Variants in HEMK2 observed in about 807,000 individuals in gnomAD.
HEMK2 encodes methyltransferase HEMK2.
chr21:28,813,687 G>C, the HEMK2 span, among the ~76,000 whole-genome samples: 73 of 152,076 alleles, frequency 4.8e-4, no homozygotes, highest in Non-Finnish European at 3.5e-4. Flanking sequence ...ATACTACAAG[G>C]CTACATTAAC....
the HEMK2 span, among the ~76,000 whole-genome samples, chr21:28,824,988 G>A: frequency 6.6e-6 from 1 of 152,190 alleles, no homozygotes; most frequent in South Asian, 2.1e-4. Context: ...GGCAAACCTG[G>A]ACAGTCCCTA....
the HEMK2 span, among the ~76,000 whole-genome samples, chr21:28,811,785 A>G: frequency 2.6e-5 from 4 of 152,204 alleles, no homozygotes; most frequent in Non-Finnish European, 5.9e-5. Context: ...ATATAGCAGG[A>G]TTTCCATGAA....
chr21:28,795,442 C>T, the HEMK2 span, among the ~76,000 whole-genome samples: 1 of 152,186 alleles, frequency 6.6e-6, no homozygotes, highest in Non-Finnish European at 1.5e-5. Flanking sequence ...TCAAGTGTCT[C>T]CCCTCTCCAG....
the HEMK2 span, chr21:28,882,399 A>C: frequency 1.8e-6 from 1 of 564,560 alleles, no homozygotes; most frequent in Non-Finnish European, 3.1e-6. Flanking sequence ...AAAGAAAAAG[A>C]GAACAAGGAT....
chr21:28,835,856 A>C, the HEMK2 span, among the ~76,000 whole-genome samples: 1 of 152,166 alleles, frequency 6.6e-6, no homozygotes, highest in African/African-American at 2.4e-5. Context: ...GGAAAATCTC[A>C]GCAATAGAAT....
the HEMK2 span, among the ~76,000 whole-genome samples, chr21:28,864,836 T>C: frequency 3.0e-3 from 393 of 129,166 alleles, 3 homozygotes; most frequent in African/African-American, 0.011. Context: ...GATAGATAGA[T>C]AGATAGATAG....
the HEMK2 span, chr21:28,878,326 C>T: frequency 1.2e-6 from 2 of 1,613,004 alleles, no homozygotes; most frequent in Non-Finnish European, 1.7e-6. Context: ...TATTCCGTGA[C>T]TTCCTACCTG....
At chr21:28,873,930 T>C in the HEMK2 span, 1 of 152,232 alleles carries the variant, frequency 6.6e-6, no homozygotes, top group African/African-American at 2.4e-5. Context: ...CCAGGGCTAA[T>C]AGCGAATGGT....
chr21:28,812,005 A>G, the HEMK2 span, among the ~76,000 whole-genome samples: 1 of 152,222 alleles, frequency 6.6e-6, no homozygotes, highest in African/African-American at 2.4e-5. Context: ...CCTAAGGTCC[A>G]GATGTGTTAT....
At chr21:28,630,421 G>A in the HEMK2 span, among the ~76,000 whole-genome samples, 26 of 152,174 alleles carry the variant, frequency 1.7e-4, no homozygotes, top group Middle Eastern at 3.4e-3. Flanking sequence ...CAGCCATCCC[G>A]TTACTGGGTA....
the HEMK2 span, among the ~76,000 whole-genome samples, chr21:28,815,736 C>T: frequency 6.6e-6 from 1 of 152,094 alleles, no homozygotes; most frequent in Non-Finnish European, 1.5e-5. Flanking sequence ...GTAAAAGCAA[C>T]AGCATCAAAA....
At chr21:28,842,433 C>A in the HEMK2 span, among the ~76,000 whole-genome samples, 1 of 152,136 alleles carries the variant, frequency 6.6e-6, no homozygotes, top group Non-Finnish European at 1.5e-5. Flanking sequence ...ATCCTAACTT[C>A]TCAGACTATC....
the HEMK2 span, among the ~76,000 whole-genome samples, chr21:28,810,299 T>C: frequency 4.6e-5 from 7 of 152,184 alleles, no homozygotes; most frequent in Non-Finnish European, 1.0e-4. Flanking sequence ...CAACCAGTAA[T>C]AATTTAATAG....
the HEMK2 span, among the ~76,000 whole-genome samples, chr21:28,870,849 AT>A: frequency 6.6e-6 from 1 of 152,186 alleles, no homozygotes; most frequent in African/African-American, 2.4e-5. Context: ...GATTCTTTGA[AT>A]TTTACAGGGA....
At chr21:28,588,688 G>C in the HEMK2 span, among the ~76,000 whole-genome samples, 2 of 152,198 alleles carry the variant, frequency 1.3e-5, no homozygotes, top group East Asian at 3.9e-4. Flanking sequence ...GAGCTAAAAG[G>C]ATCCGGGTGC....
chr21:28,799,842 G>A, the HEMK2 span, among the ~76,000 whole-genome samples: 7 of 152,086 alleles, frequency 4.6e-5, no homozygotes, highest in African/African-American at 1.7e-4. Context: ...TTTTTGATCA[G>A]GTAAAATGTT....
the HEMK2 span, among the ~76,000 whole-genome samples, chr21:28,592,488 A>C: frequency 6.6e-6 from 1 of 152,220 alleles, no homozygotes; most frequent in Non-Finnish European, 1.5e-5. Context: ...TGAAGGACTA[A>C]AACAGCATGT....
At chr21:28,859,750 C>T in the HEMK2 span, among the ~76,000 whole-genome samples, 1 of 152,162 alleles carries the variant, frequency 6.6e-6, no homozygotes, top group African/African-American at 2.4e-5. Flanking sequence ...GCTGCCCTCA[C>T]CACCCCAGAC....
chr21:28,794,949 C>T, the HEMK2 span, among the ~76,000 whole-genome samples: 1 of 152,172 alleles, frequency 6.6e-6, no homozygotes, highest in African/African-American at 2.4e-5. Flanking sequence ...AAAGTCCAGA[C>T]CTGGTGCCGT....
Sources: allele counts gnomAD v4.1 joint callset (sites outside exome capture counted in the v4.1 genomes callset), GRCh38; gene constraint gnomAD v4.1.1; transcripts MANE v1.5; gene names NCBI Gene and HGNC (gene_info 2026-07-23, HGNC 2026-07-21).